Variants in NCOA2 observed in about 807,000 individuals in gnomAD.
NCOA2 encodes the protein class E basic helix-loop-helix protein 75.
Under a neutral mutation model 145.1 loss-of-function variants are expected in NCOA2, and 21 were observed. That is an observed-to-expected ratio of 0.14 (90% CI 0.10 to 0.21). NCOA2 has a LOEUF of 0.21. NCOA2 is among the 10% of genes least tolerant of loss of function. The pLI is 1.00. For missense variants in NCOA2, 1,472 were observed against 1,837.6 expected (o/e 0.80, Z 3.64); for synonymous variants, 619 against 637.5 (o/e 0.97, Z 0.44).
the NCOA2 span, among the ~76,000 whole-genome samples, chr8:70,441,816 GAAGAAAGAAGA>G: frequency 2.1e-4 from 24 of 116,796 alleles, no homozygotes; most frequent in East Asian, 2.5e-3. Context: ...AAGAAAGAAA[GAAGAAAGAAGA>G]AAGAAAGAAA....
rs1811358899 is a variant in NCOA2 at position 70,373,093 on chromosome 8, G to A, written c.-77+30607C>T. Among the ~76,000 whole-genome samples, 2 of 152,150 alleles carry A rather than the reference G, an allele frequency of 1.3e-5. 1 individual carries two copies. Among genetic ancestry groups the A allele is most frequent in the South Asian group, 4.1e-4 (2 of 4,834 alleles). ...AGGAACATTCATGTAAAAAGTCTTT[G>A]TGGACATGTGCTTACATTCCTATAA... is the stretch of plus-strand genomic sequence containing the variant. On this transcript the variant is annotated intron_variant, in intron 1 of 22. Transcript: ENST00000452400.
At chr8:70,334,958 T>C (rs2136349151) in intron 1 of NCOA2, among the ~76,000 whole-genome samples, 1 of 151,442 alleles carries the variant, frequency 6.6e-6, no homozygotes, top group Admixed American at 6.6e-5. Context: ...ACCCTATCTC[T>C]ACAAAAATAA....
At chr8:70,295,721 C>A (rs554506657) in intron 2 of NCOA2, among the ~76,000 whole-genome samples, 1 of 152,206 alleles carries the variant, frequency 6.6e-6, no homozygotes, top group Admixed American at 6.5e-5. Flanking sequence ...GCAGGCAGAT[C>A]ACTTGAGGTC....
upstream of NCOA2, among the ~76,000 whole-genome samples, chr8:70,408,253 AATG>A (rs1232541541): frequency 6.6e-6 from 1 of 152,190 alleles, no homozygotes; most frequent in African/African-American, 2.4e-5. Flanking sequence ...CTTATTCACT[AATG>A]ATGATATAGT....
intron 1 of NCOA2, among the ~76,000 whole-genome samples, chr8:70,318,889 G>A (rs896601478): frequency 2.6e-4 from 40 of 152,292 alleles, no homozygotes; most frequent in African/African-American, 9.4e-4. Context: ...TCCAGTTTTA[G>A]CAGAAAATGG....
intron 4 of NCOA2, among the ~76,000 whole-genome samples, chr8:70,190,532 G>A (rs1355935778): frequency 6.6e-6 from 1 of 152,260 alleles, no homozygotes; most frequent in Admixed American, 6.5e-5. Flanking sequence ...CTCTTCAGAC[G>A]AATTACTATA....
At chr8:70,273,188 GT>G (rs1825189736) in intron 2 of NCOA2, among the ~76,000 whole-genome samples, 1 of 152,134 alleles carries the variant, frequency 6.6e-6, no homozygotes, top group Non-Finnish European at 1.5e-5. Flanking sequence ...GCCTAAAGCA[GT>G]GAGCAGACAT....
chr8:70,375,002 C>T (rs1159812763), intron 1 of NCOA2, among the ~76,000 whole-genome samples: 1 of 151,790 alleles, frequency 6.6e-6, no homozygotes, highest in Non-Finnish European at 1.5e-5. Flanking sequence ...AAAGTTCAGT[C>T]ACCCTACGTC....
chr8:70,455,639 C>T, the NCOA2 span, among the ~76,000 whole-genome samples: 3 of 148,516 alleles, frequency 2.0e-5, no homozygotes, highest in Admixed American at 2.0e-4. Flanking sequence ...TCTACAAAGG[C>T]TGGAAAAAAA....
chr8:70,148,598 A>G, intron 11 of NCOA2, 115 bp from the exon 12 acceptor site: 1 of 839,678 alleles, frequency 1.2e-6, no homozygotes, highest in South Asian at 1.6e-5. Flanking sequence ...TAAAATAGGT[A>G]GATTCCTGCA....
chr8:70,430,747 A>G, the NCOA2 span, among the ~76,000 whole-genome samples: 1 of 152,216 alleles, frequency 6.6e-6, no homozygotes, highest in Admixed American at 6.5e-5. Context: ...GTGAGGAGGA[A>G]GACACACAGG....
intron 1 of NCOA2, among the ~76,000 whole-genome samples, chr8:70,391,531 G>GC (rs1813208070): frequency 6.6e-6 from 1 of 152,186 alleles, no homozygotes; most frequent in Non-Finnish European, 1.5e-5. Flanking sequence ...ATCATTTCAA[G>GC]CAATAAGCTC....
intron 1 of NCOA2, 51 bp downstream of exon 1, chr8:70,403,649 T>TGCCGCCCGCCCCCCGCCC (rs1814602359): frequency 5.6e-6 from 2 of 357,662 alleles, no homozygotes; most frequent in Admixed American, 4.7e-5. Context: ...GCCCCCCGCC[T>TGCCGCCCGCCCCCCGCCC]GCCGCCCGCC....
chr8:70,298,077 C>T (rs1157426185), intron 1 of NCOA2, among the ~76,000 whole-genome samples: 1 of 152,090 alleles, frequency 6.6e-6, no homozygotes, highest in African/African-American at 2.4e-5. Flanking sequence ...AACTAAGCTA[C>T]TAGATTTTTC....
intron 2 of NCOA2, among the ~76,000 whole-genome samples, chr8:70,242,862 C>T (rs535826707): frequency 3.9e-5 from 6 of 152,128 alleles, no homozygotes; most frequent in African/African-American, 7.2e-5. Flanking sequence ...AATTAAAATT[C>T]GTTCCAAGAA....
At chr8:70,260,579 C>A (rs958991438) in intron 2 of NCOA2, among the ~76,000 whole-genome samples, 1 of 152,178 alleles carries the variant, frequency 6.6e-6, no homozygotes, top group Non-Finnish European at 1.5e-5. Flanking sequence ...CATACCTAAC[C>A]ATTTGCTTTA....
At chr8:70,308,930 C>T (rs1470959790) in intron 1 of NCOA2, among the ~76,000 whole-genome samples, 1 of 152,170 alleles carries the variant, frequency 6.6e-6, no homozygotes, top group Non-Finnish European at 1.5e-5. Context: ...AACCGCCCTT[C>T]CCCTGAAGCT....
At chr8:70,443,441 T>A in the NCOA2 span, among the ~76,000 whole-genome samples, 1 of 152,328 alleles carries the variant, frequency 6.6e-6, no homozygotes, top group East Asian at 1.9e-4. Context: ...GGAATCACTA[T>A]CTTTAGACAG....
In NCOA2 at chr8:70,272,926, C is replaced by T. The variant is rs1035795644; in HGVS notation, c.-20+23818G>A. On this transcript the variant is annotated intron_variant, in intron 2 of 22. Coordinates refer to ENST00000452400, the MANE Select transcript of NCOA2 (RefSeq NM_006540.4). ...TTCATTTTTAAAGTAATCTCTAATA[C>T]TATCAGAAATATTAACAGTGAAATA... Among the ~76,000 whole-genome samples the T allele has an allele frequency of 3.3e-5, 5 of 152,188 alleles. 1 individual carries two copies. Among genetic ancestry groups the T allele is most frequent in the Middle Eastern group, 3.4e-3 (1 of 294 alleles).
Sources: gnomAD v4.1 joint callset for allele counts (sites outside exome capture counted in the v4.1 genomes callset) on GRCh38, gnomAD v4.1.1 for gene constraint, MANE v1.5 for transcripts, NCBI Gene and HGNC (gene_info 2026-07-23, HGNC 2026-07-21) for gene names.